The following USP42 variants were observed in gnomAD, a reference collection of about 807,000 sequenced individuals.
USP42 encodes ubiquitin carboxyl-terminal hydrolase 42.
In USP42, 23 loss-of-function variants were observed where a neutral mutation model predicts 113.0. The ratio of observed to expected loss-of-function variants is 0.20; its 90% confidence interval spans 0.15 to 0.29. USP42 has a LOEUF of 0.29. USP42 is among the 10% of genes least tolerant of loss of function. The pLI is 1.00. For missense variants in USP42, 2,174 were observed against 1,779.8 expected, an observed-to-expected ratio of 1.22 and a Z score of -3.99; for synonymous variants, 933 against 699.0, an observed-to-expected ratio of 1.33 and a Z score of -5.28.
At chr7:6,116,643 A>G (rs1436083618) in intron 3 of USP42, 4 of 400,286 alleles carry the variant, frequency 1.0e-5, no homozygotes, top group South Asian at 3.8e-5. Flanking sequence ...TTTTCCCTCC[A>G]AAGAGCCAAG....
chr7:6,140,276 C>G, intron 6 of USP42, 81 bp downstream of exon 6: 1 of 1,311,100 alleles, frequency 7.6e-7, no homozygotes, highest in Non-Finnish European at 1.1e-6. Flanking sequence ...GTTAGTCCTA[C>G]TAGGAAGGAA....
rs764907801 is a variant in USP42 at position 6,156,811 on chromosome 7, CAAAAAAAAGAAG to C, written c.3702_3713del (p.Lys1238_Lys1241del). 3 of 1,603,930 alleles carry C rather than the reference CAAAAAAAAGAAG, an allele frequency of 1.9e-6. No individual in the cohort carries two copies. The highest frequency in any genetic ancestry group is 2.5e-6 in the Non-Finnish European group (3 of 1,176,640). ...GCTCTGACGCTGACCTCCACAGACA[CAAAAAAAAGAAG>C]AAGAAAAAGAAGAGACATTCAAGAA... On this transcript the variant is annotated inframe_deletion, in exon 16 of 18. Transcript: ENST00000306177.
At chr7:6,127,041 G>T (rs1290659165) in intron 3 of USP42, among the ~76,000 whole-genome samples, 1 of 152,228 alleles carries the variant, frequency 6.6e-6, no homozygotes, top group African/African-American at 2.4e-5. Context: ...GTGTGTAGTG[G>T]TAACTCAGTG....
In USP42 at chr7:6,155,019, A is replaced by G; in HGVS notation, c.3465A>G (p.Glu1155=). The G allele has an allele frequency of 6.4e-7, 1 of 1,565,270 alleles. No individual in the cohort carries two copies. The highest frequency in any genetic ancestry group is 8.7e-7 in the Non-Finnish European group (1 of 1,154,640). The part of the protein sequence containing the change: ...CNLSDRFHEH[E]NGKSRKRRHD... ...TCTCTGATCGGTTTCACGAACACGA[A>G]AATGGAAAGTCCCGGAAACGGAGAC... is the stretch of plus-strand genomic sequence containing the variant. Residue 1155 remains glutamate (E), a synonymous_variant, in exon 15 of 18, where the codon GAA becomes GAG. Transcript: ENST00000306177.
At chr7:6,083,453 G>A in the USP42 span, among the ~76,000 whole-genome samples, 1 of 146,784 alleles carries the variant, frequency 6.8e-6, no homozygotes, top group African/African-American at 2.6e-5. Flanking sequence ...ATGGGGTTTT[G>A]CCATGTCAAC....
At chr7:6,098,309 C>T in the USP42 span, among the ~76,000 whole-genome samples, 1 of 150,132 alleles carries the variant, frequency 6.7e-6, no homozygotes, top group Non-Finnish European at 1.5e-5. Context: ...AAAGTGCCCA[C>T]ATATCTATAA....
the USP42 span, among the ~76,000 whole-genome samples, chr7:6,083,910 C>A: frequency 1.3e-5 from 2 of 151,132 alleles, no homozygotes; most frequent in Admixed American, 6.6e-5. Flanking sequence ...TGATCCCTAA[C>A]CTAGTTAACC....
At chr7:6,121,569 T>C (rs1336338556) in intron 3 of USP42, among the ~76,000 whole-genome samples, 1 of 152,206 alleles carries the variant, frequency 6.6e-6, no homozygotes, top group Non-Finnish European at 1.5e-5. Flanking sequence ...ACAGAATTGA[T>C]GTTATTTCTT....
chr7:6,149,216 C>T (rs564428940), intron 12 of USP42, among the ~76,000 whole-genome samples: 1 of 152,280 alleles, frequency 6.6e-6, no homozygotes, highest in East Asian at 1.9e-4. Context: ...AGGGTGATTC[C>T]TCCTTCCTGG....
chr7:6,151,394 A>T (rs927495190), intron 14 of USP42, among the ~76,000 whole-genome samples: 1 of 152,194 alleles, frequency 6.6e-6, no homozygotes, highest in Non-Finnish European at 1.5e-5. Flanking sequence ...AATAACACTT[A>T]GCTTAAAACA....
chr7:6,114,584 GGTT>G lies in USP42; in HGVS notation c.242-732_242-730del, dbSNP rs758473775. ...AGTCATTCAGTGTTCATATTTCTCT[GGTT>G]GTTGTTTTATGTATATATAAAATAT... On this transcript the variant is annotated intron_variant, in intron 2 of 17. Coordinates refer to ENST00000306177, the MANE Select transcript of USP42 (RefSeq NM_032172.3). 1.4e-4 allele frequency among the ~76,000 whole-genome samples: 19 copies of G among 137,602 alleles called. No homozygotes were observed. In the East Asian group the frequency reaches 2.8e-3, roughly 20 times the overall value. The allele number at this position is 137,602 out of a possible 152,430, so 90.3% of individuals were successfully genotyped here. A position where few individuals can be genotyped will look rare whatever the true frequency, so the allele number is the denominator to read the frequency against.
chr7:6,093,895 T>G, the USP42 span, among the ~76,000 whole-genome samples: 1 of 151,076 alleles, frequency 6.6e-6, no homozygotes, highest in Non-Finnish European at 1.5e-5. Context: ...ACTACAAGGT[T>G]ATTTTGTTTT....
intron 3 of USP42, among the ~76,000 whole-genome samples, chr7:6,131,526 A>G (rs1583627313): frequency 6.6e-6 from 1 of 152,222 alleles, no homozygotes; most frequent in East Asian, 1.9e-4. Flanking sequence ...AAAAAAATAC[A>G]CACAGAAGCT....
chr7:6,115,645 CT>C (rs1583587807), intron 3 of USP42, 122 bp downstream of exon 3: 1 of 1,215,340 alleles, frequency 8.2e-7, no homozygotes, highest in Non-Finnish European at 1.2e-6. Context: ...TTGGTTTATT[CT>C]TTTAGAAACC....
At chr7:6,141,476 G>A (rs1049560051) in intron 7 of USP42, among the ~76,000 whole-genome samples, 3 of 151,914 alleles carry the variant, frequency 2.0e-5, no homozygotes, top group South Asian at 2.1e-4. Flanking sequence ...GATTACAGGC[G>A]TGAGCCACCG....
intron 3 of USP42, among the ~76,000 whole-genome samples, chr7:6,117,228 T>A (rs1779960573): frequency 6.6e-6 from 1 of 152,128 alleles, no homozygotes; most frequent in Non-Finnish European, 1.5e-5. Context: ...CGGCAACCAC[T>A]GATCTGCTTT....
chr7:6,145,470 G>A, intron 9 of USP42, 46 bp from the exon 10 acceptor site: 1 of 1,612,318 alleles, frequency 6.2e-7, no homozygotes, highest in Non-Finnish European at 8.5e-7. Context: ...TATGTGGAAT[G>A]ATCTGTGCCC....
intron 3 of USP42, among the ~76,000 whole-genome samples, chr7:6,132,694 C>CT (rs1430982355): frequency 1.3e-5 from 2 of 151,678 alleles, no homozygotes; most frequent in Non-Finnish European, 2.9e-5. Flanking sequence ...TTTTTTGAGA[C>CT]GGAGTTTTGC....
At chr7:6,133,938 T>G (rs187582832) in intron 3 of USP42, among the ~76,000 whole-genome samples, 71 of 150,910 alleles carry the variant, frequency 4.7e-4, no homozygotes, top group African/African-American at 1.1e-3. Flanking sequence ...TCGCCCAGGC[T>G]GGAGTGCAGT....
Sources: gnomAD v4.1 joint callset for allele counts (sites outside exome capture counted in the v4.1 genomes callset) on GRCh38, gnomAD v4.1.1 for gene constraint, MANE v1.5 for transcripts, NCBI Gene and HGNC (gene_info 2026-07-23, HGNC 2026-07-21) for gene names.